Variants in CLSTN2 observed in about 807,000 individuals in gnomAD.
The protein encoded by CLSTN2 is calsyntenin 2.
A neutral mutation model predicts 101.2 loss-of-function variants in CLSTN2; 48 were observed. That is an observed-to-expected ratio of 0.47 (90% CI 0.38 to 0.60). The LOEUF (loss-of-function observed/expected upper bound fraction) is 0.60. Ranked by LOEUF, CLSTN2 falls within the 20% of genes least tolerant of loss-of-function variation. The pLI is 0.00. For synonymous variants in CLSTN2, 481 were observed against 463.6 expected (o/e 1.04, Z -0.48); for missense variants, 1,160 against 1,238.2 (o/e 0.94, Z 0.95).
intron 1 of CLSTN2, among the ~76,000 whole-genome samples, chr3:140,003,921 C>T (rs144099015): frequency 3.9e-4 from 60 of 152,242 alleles, no homozygotes; most frequent in Non-Finnish European, 7.2e-4. Flanking sequence ...TCCATTTCTA[C>T]GATCTTTATT....
At position 140,556,719 on chromosome 3, in the gene CLSTN2, C is replaced by T. The variant is rs973160069; in HGVS notation, c.1823+58C>T. 2.9e-5 allele frequency: 45 copies of T among 1,553,166 alleles called. 1 individual carries two copies. The East Asian group carries it at 8.6e-4, about 30-fold the overall frequency. On this transcript the variant is annotated intron_variant, in intron 11 of 16. Coordinates refer to ENST00000458420, the MANE Select transcript of CLSTN2 (RefSeq NM_022131.3). ...GAGGCAGCAGTTGGGAAGGTCCCAA[C>T]TGAGGTCCCTTGGGAATGTTCCCTC...
intron 2 of CLSTN2, 117 bp from the exon 3 acceptor site, chr3:140,403,512 T>C: frequency 7.1e-6 from 6 of 843,826 alleles, no homozygotes; most frequent in South Asian, 4.9e-5. Context: ...GACCACACTA[T>C]GTGCGTGGAA....
chr3:140,533,652 A>C (rs1468542695), intron 9 of CLSTN2, among the ~76,000 whole-genome samples: 1 of 147,340 alleles, frequency 6.8e-6, no homozygotes, highest in Non-Finnish European at 1.5e-5. Flanking sequence ...TGGAGCTCGC[A>C]GTGAGCCGAG....
At chr3:140,268,063 T>C (rs1407186512) in intron 2 of CLSTN2, among the ~76,000 whole-genome samples, 2 of 152,018 alleles carry the variant, frequency 1.3e-5, no homozygotes, top group African/African-American at 4.8e-5. Context: ...GGAAATACAT[T>C]TAGTGCCAAG....
At chr3:140,397,763 A>C (rs1484821708) in intron 2 of CLSTN2, among the ~76,000 whole-genome samples, 1 of 152,238 alleles carries the variant, frequency 6.6e-6, no homozygotes, top group Non-Finnish European at 1.5e-5. Flanking sequence ...GGGAGAACAT[A>C]AACATTCAGT....
At chr3:140,279,241 AAGCCC>A (rs1047402444) in intron 2 of CLSTN2, among the ~76,000 whole-genome samples, 103 of 152,244 alleles carry the variant, frequency 6.8e-4, no homozygotes, top group African/African-American at 2.3e-3. Context: ...AGATAGAGAA[AAGCCC>A]AGGGCTGCAG....
intron 1 of CLSTN2, among the ~76,000 whole-genome samples, chr3:140,067,003 G>T (rs914666445): frequency 2.6e-5 from 4 of 152,188 alleles, no homozygotes; most frequent in African/African-American, 9.7e-5. Flanking sequence ...TCAACGAAGA[G>T]GTTTGATCCC....
At chr3:140,068,090 A>G (rs193067920) in intron 1 of CLSTN2, among the ~76,000 whole-genome samples, 2 of 152,318 alleles carry the variant, frequency 1.3e-5, no homozygotes, top group Non-Finnish European at 2.9e-5. Context: ...AAGATGGTTT[A>G]AAAGGCAGCA....
chr3:140,451,592 AG>A (rs1426067994), intron 6 of CLSTN2, among the ~76,000 whole-genome samples: 7 of 152,174 alleles, frequency 4.6e-5, no homozygotes, highest in African/African-American at 1.7e-4. Context: ...TCAGATAAAA[AG>A]GGTGAAAGCA....
intron 2 of CLSTN2, among the ~76,000 whole-genome samples, chr3:140,256,597 C>G (rs368995868): frequency 6.6e-6 from 1 of 152,294 alleles, no homozygotes; most frequent in Admixed American, 6.5e-5. Context: ...ATTGATATTT[C>G]CATTCTCTGT....
Position 139,980,193 on chromosome 3 carries a change from G to A in CLSTN2, c.109+44710G>A, listed in dbSNP as rs1196247109. Among the ~76,000 whole-genome samples the A allele has an allele frequency of 2.0e-5, 3 of 151,872 alleles. 1 individual carries two copies. The highest frequency in any genetic ancestry group is 4.4e-5 in the Non-Finnish European group (3 of 67,950). On this transcript the variant is annotated intron_variant, in intron 1 of 16. Transcript: ENST00000458420. ...CCTTAAAACTCTATTGCCTTCCCAG[G>A]CATCTATGTTTCACATGAACTGGCC...
At chr3:140,305,923 T>A (rs183693632) in intron 2 of CLSTN2, among the ~76,000 whole-genome samples, 44 of 152,278 alleles carry the variant, frequency 2.9e-4, no homozygotes, top group Admixed American at 1.2e-3. Flanking sequence ...TTCCAAGTAT[T>A]TTTGCAGTGA....
intron 2 of CLSTN2, among the ~76,000 whole-genome samples, chr3:140,213,204 C>T (rs763091352): frequency 6.6e-6 from 1 of 152,106 alleles, no homozygotes; most frequent in African/African-American, 2.4e-5. Flanking sequence ...CAGGATCCTT[C>T]CCTAGATTTA....
chr3:140,223,301 T>C (rs1271609378), intron 2 of CLSTN2, among the ~76,000 whole-genome samples: 2 of 152,182 alleles, frequency 1.3e-5, no homozygotes, highest in Non-Finnish European at 2.9e-5. Context: ...CAACAGTTTA[T>C]TCACGCTGCA....
chr3:140,404,960 C>G lies in CLSTN2; in HGVS notation c.637+194C>G, dbSNP rs1161415408. On this transcript the variant is annotated intron_variant, in intron 4 of 16. Transcript: ENST00000458420. ...TATCTGATTAGCAGCCCTGCCAGGT[C>G]TAAAACACCCTCAGGAAACCTCAGA... is the stretch of plus-strand genomic sequence containing the variant. Among the ~76,000 whole-genome samples, 3 of 152,152 alleles carry G rather than the reference C, an allele frequency of 2.0e-5. No individual in the cohort carries two copies. The East Asian group carries it at 5.8e-4, about 29-fold the overall frequency.
chr3:140,497,729 TATA>T (rs1934498039), intron 8 of CLSTN2, among the ~76,000 whole-genome samples: 1 of 152,168 alleles, frequency 6.6e-6, no homozygotes, highest in African/African-American at 2.4e-5. Flanking sequence ...GGCCAGAGTC[TATA>T]AAACTCCTGT....
At chr3:139,978,325 C>T (rs914736530) in intron 1 of CLSTN2, among the ~76,000 whole-genome samples, 2 of 152,138 alleles carry the variant, frequency 1.3e-5, no homozygotes, top group Non-Finnish European at 2.9e-5. Flanking sequence ...TGTCTTCTTC[C>T]TCATTAAAAA....
chr3:140,403,151 C>G (rs2088262436), intron 2 of CLSTN2, among the ~76,000 whole-genome samples: 1 of 152,180 alleles, frequency 6.6e-6, no homozygotes, highest in African/African-American at 2.4e-5. Context: ...ATGTTCAGCT[C>G]TTTAAGATGT....
At chr3:139,957,218 T>C (rs1172357522) in intron 1 of CLSTN2, among the ~76,000 whole-genome samples, 1 of 152,068 alleles carries the variant, frequency 6.6e-6, no homozygotes, top group Admixed American at 6.6e-5. Context: ...CAGCCTCATC[T>C]CTGCCACACC....
Sources: allele counts gnomAD v4.1 joint callset (sites outside exome capture counted in the v4.1 genomes callset), GRCh38; gene constraint gnomAD v4.1.1; transcripts MANE v1.5; gene names NCBI Gene and HGNC (gene_info 2026-07-23, HGNC 2026-07-21).